Variants in SPTBN4 observed in about 807,000 individuals in gnomAD.
SPTBN4 encodes the protein spectrin beta chain, non-erythrocytic 4.
In SPTBN4, 96 loss-of-function variants were observed where a neutral mutation model predicts 277.8. The ratio of observed to expected loss-of-function variants is 0.35; its 90% CI spans 0.29 to 0.41. SPTBN4 has a LOEUF of 0.41. Among genes scored for constraint, SPTBN4 ranks in the 10% least tolerant of loss-of-function variants. The pLI is 1.00. For synonymous variants in SPTBN4, 1,481 were observed against 1,580.3 expected (o/e 0.94, Z 1.49); for missense variants, 3,006 against 3,595.7 (o/e 0.84, Z 4.19).
chr19:40,493,426 C>T (rs1182155020), intron 5 of SPTBN4, among the ~76,000 whole-genome samples: 2 of 152,158 alleles, frequency 1.3e-5, no homozygotes, highest in Non-Finnish European at 1.5e-5. Context: ...AACTCTTGGC[C>T]TCACTAGGCA....
intron 20 of SPTBN4, among the ~76,000 whole-genome samples, chr19:40,537,567 A>T (rs1481972292): frequency 6.6e-6 from 1 of 152,130 alleles, no homozygotes; most frequent in East Asian, 1.9e-4. Flanking sequence ...TGATGTACAC[A>T]ATGTGCTGGG....
At chr19:40,491,530 T>A (rs537005883) in intron 4 of SPTBN4, among the ~76,000 whole-genome samples, 2 of 151,620 alleles carry the variant, frequency 1.3e-5, no homozygotes, top group Admixed American at 6.6e-5. Flanking sequence ...TTACCTGAGT[T>A]TAGGAGTTCG....
rs192500556 is a variant in SPTBN4, at chr19:40,470,253, C to T, written c.-15-2354C>T. Among the ~76,000 whole-genome samples, 17 of 152,194 alleles carry T rather than the reference C, an allele frequency of 1.1e-4. No homozygotes were observed. The East Asian group carries it at 2.9e-3, about 26-fold the overall frequency. ...AGCTCAGGCAATCCACCCGCCTTGG[C>T]CTCCCTAAGTGCCAGGATAACAGGC... On this transcript the variant is annotated intron_variant, in intron 1 of 35. Transcript: ENST00000598249.
Position 40,519,386 on chromosome 19 carries a change from C to G in SPTBN4, c.2904-15C>G. 4 of 1,534,602 alleles carry G rather than the reference C, an allele frequency of 2.6e-6. No individual in the cohort carries two copies. Among genetic ancestry groups the G allele is most frequent in the Non-Finnish European group, 3.5e-6 (4 of 1,143,356 alleles). Reference sequence around the variant, plus strand: ...GTCCCTGTCCTCCTCAAGTCACTCTCTTTCCCCTGGGCAGGTGGAACCGCA... The same window carrying G: ...GTCCCTGTCCTCCTCAAGTCACTCTGTTTCCCCTGGGCAGGTGGAACCGCA... On this transcript the variant is annotated splice_polypyrimidine_tract_variant and intron_variant, in intron 15 of 35. Coordinates refer to ENST00000598249, the MANE Select transcript of SPTBN4 (RefSeq NM_020971.3). This position sits in a 1 kb window ranked among gnomAD's most constrained non-coding sequence, Gnocchi z 5.7.
chr19:40,573,047 G>T (rs2081169488), intron 35 of SPTBN4, among the ~76,000 whole-genome samples: 1 of 152,162 alleles, frequency 6.6e-6, no homozygotes, highest in East Asian at 1.9e-4. Context: ...CATGGCTCAG[G>T]CCTGTAATCC....
At chr19:40,553,697 A>G (rs762573332) in intron 22 of SPTBN4, among the ~76,000 whole-genome samples, 1 of 152,192 alleles carries the variant, frequency 6.6e-6, no homozygotes, top group Non-Finnish European at 1.5e-5. Flanking sequence ...CCGCACGCTG[A>G]TCTGGGCACA....
intron 35 of SPTBN4, among the ~76,000 whole-genome samples, chr19:40,573,589 G>A (rs1011455678): frequency 2.0e-5 from 3 of 152,214 alleles, no homozygotes; most frequent in Admixed American, 6.5e-5. Flanking sequence ...CCAGCACTTC[G>A]GGAGGCCGAG....
chr19:40,566,149 A>G lies in SPTBN4; in HGVS notation c.6140-14A>G. On this transcript the variant is annotated splice_polypyrimidine_tract_variant and intron_variant, in intron 29 of 35. Coordinates refer to ENST00000598249, the MANE Select transcript of SPTBN4 (RefSeq NM_020971.3). ...AGATGCCCCAGAATCCTTACCCTGC[A>G]TGCCCCTCCTCAGTGCTGGAGGTGC... The G allele has an allele frequency of 6.7e-7, 1 of 1,488,366 alleles. No homozygotes were observed. 92.2% of individuals were successfully genotyped at this position (1,488,366 alleles called of 1,614,324 possible). A position where few individuals can be genotyped will look rare whatever the true frequency, so the allele number is the denominator to read the frequency against.
At chr19:40,514,517 A>C (rs1171988875) in intron 14 of SPTBN4, among the ~76,000 whole-genome samples, 1 of 152,206 alleles carries the variant, frequency 6.6e-6, no homozygotes, top group Non-Finnish European at 1.5e-5. Flanking sequence ...TTCCAAAACA[A>C]AGCCCAGGGC....
chr19:40,534,110 G>A lies in SPTBN4; in HGVS notation c.4126G>A (p.Glu1376Lys), dbSNP rs764918604. Residue 1376 changes from glutamate (E) to lysine (K), a missense_variant, in exon 20 of 36, where the codon GAA becomes AAA. Glu to Lys is a moderately conservative substitution (Grantham distance 56, BLOSUM62 1). Transcript: ENST00000598249. ...EGQQLMQEKPELAASVRKKLG... is the reference protein window; with the variant it reads ...EGQQLMQEKPKLAASVRKKLG... Reference sequence around the variant, plus strand: ...CCAGCAACTGATGCAGGAGAAGCCCGAACTGGCGGCCTCCGTGCGGAAGAA... The same window carrying A: ...CCAGCAACTGATGCAGGAGAAGCCCAAACTGGCGGCCTCCGTGCGGAAGAA... 10 of 1,607,418 alleles carry A rather than the reference G, an allele frequency of 6.2e-6. No homozygotes were observed. In the East Asian group the frequency reaches 8.9e-5, roughly 14 times the overall value.
chr19:40,575,884 G>C lies in SPTBN4; in HGVS notation c.*315G>C, dbSNP rs1280301237. ...CCAGTTGAGCCAAGCCCCCAGCCCC[G>C]ATCTGCAGATCCTGCCCCAAGAAGC... On this transcript the variant is annotated 3_prime_UTR_variant, in exon 36 of 36. Transcript: ENST00000598249. 1 of 230,774 alleles carries C rather than the reference G, an allele frequency of 4.3e-6. No homozygotes were observed. Among genetic ancestry groups the C allele is most frequent in the Non-Finnish European group, 8.6e-6 (1 of 116,224 alleles). 14.3% of individuals were successfully genotyped at this position (230,774 alleles called of 1,614,324 possible). A position where few individuals can be genotyped will look rare whatever the true frequency, so the allele number is the denominator to read the frequency against.
At chr19:40,485,686 C>G (rs760141281) in intron 2 of SPTBN4, among the ~76,000 whole-genome samples, 2 of 151,544 alleles carry the variant, frequency 1.3e-5, no homozygotes, top group African/African-American at 4.9e-5. Context: ...GTGGCATGTG[C>G]CTGTAACCCC....
chr19:40,469,291 G>C (rs892120572), intron 1 of SPTBN4, among the ~76,000 whole-genome samples: 1 of 151,860 alleles, frequency 6.6e-6, no homozygotes, highest in African/African-American at 2.4e-5. Flanking sequence ...TTGAGAAGGA[G>C]TCTTACTCTG....
intron 21 of SPTBN4, among the ~76,000 whole-genome samples, chr19:40,549,674 TATTC>T (rs1243334903): frequency 6.6e-5 from 10 of 152,138 alleles, no homozygotes; most frequent in East Asian, 3.8e-4. Context: ...TTTACTTAAC[TATTC>T]ATTCATTCAC....
Position 40,560,159 on chromosome 19 carries a change from G to C in SPTBN4, c.5671G>C (p.Val1891Leu). 6.3e-6 allele frequency: 10 copies of C among 1,593,626 alleles called. No individual in the cohort carries two copies. The highest frequency in any genetic ancestry group is 7.7e-6 in the Non-Finnish European group (9 of 1,175,250). The change falls in exon 27 of 36, where the codon GTA becomes CTA. Residue 1891 changes from valine (V) to leucine (L), a missense_variant and splice_region_variant. Coordinates refer to ENST00000598249, the MANE Select transcript of SPTBN4 (RefSeq NM_020971.3). This position sits in a 1 kb window ranked among gnomAD's most constrained non-coding sequence, Gnocchi z 5.2. Reference sequence around the variant, plus strand: ...GCGCCCGACCTGGCATGCCCTTCAGGTACGGCAGCTGCAGGAGGGGGCGGC... The same window carrying C: ...GCGCCCGACCTGGCATGCCCTTCAGCTACGGCAGCTGCAGGAGGGGGCGGC... ...EHDLQLLVSQ[V>L]RQLQEGAAQL...
chr19:40,471,905 ATTTTTTT>A lies in SPTBN4; in HGVS notation c.-15-686_-15-680del, dbSNP rs34333509. On this transcript the variant is annotated intron_variant, in intron 1 of 35. Coordinates refer to ENST00000598249, the MANE Select transcript of SPTBN4 (RefSeq NM_020971.3). Reference sequence around the variant, plus strand: ...AGGCACGTTGCCACCACATCCAGCTATTTTTTTTTTTTTTTTTTTTTTGAGACAGAGT... The same window carrying A: ...AGGCACGTTGCCACCACATCCAGCTATTTTTTTTTTTTTTTGAGACAGAGT... Among the ~76,000 whole-genome samples, 842 of 109,410 alleles carry A rather than the reference ATTTTTTT, an allele frequency of 7.7e-3. 20 individuals carry two copies. Among genetic ancestry groups the A allele is most frequent in the African/African-American group, 0.026 (780 of 30,180 alleles). The allele number at this position is 109,410 out of a possible 152,430, so 71.8% of individuals were successfully genotyped here.
In SPTBN4 at chr19:40,568,151, C is replaced by T. The variant is rs572854351; in HGVS notation, c.6825C>T (p.His2275=). 9 of 1,579,186 alleles carry T rather than the reference C, an allele frequency of 5.7e-6. No homozygotes were observed. The Admixed American group carries it at 9.3e-5, about 16-fold the overall frequency. The change falls in exon 31 of 36, where the codon CAC becomes CAT. Residue 2275 remains histidine, a synonymous_variant. Coordinates refer to ENST00000598249, the MANE Select transcript of SPTBN4 (RefSeq NM_020971.3). ...RRPERQESAE[H]EAAHSLTLGR... is the part of the protein sequence containing the mutation. ...CGGAGCGGCAGGAGTCAGCGGAGCA[C>T]GAGGCGGCACACAGCCTTACCCTGG...
At chr19:40,522,503 C>A (rs151286667) in intron 16 of SPTBN4, among the ~76,000 whole-genome samples, 124 of 151,482 alleles carry the variant, frequency 8.2e-4, no homozygotes, top group African/African-American at 2.9e-3. Context: ...CAGGTGTGTG[C>A]CACTACACCC....
intron 20 of SPTBN4, chr19:40,534,722 T>A: frequency 4.4e-6 from 1 of 225,878 alleles, no homozygotes. Context: ...TCTACCAGTC[T>A]CTGGGCCAAG....
Sources: gnomAD v4.1 joint callset for allele counts (sites outside exome capture counted in the v4.1 genomes callset) on GRCh38, gnomAD v4.1.1 for gene constraint, Gnocchi (gnomAD v3.1) non-coding constraint, MANE v1.5 for transcripts, NCBI Gene and HGNC (gene_info 2026-07-23, HGNC 2026-07-21) for gene names.